The following DNER variants were observed in gnomAD, a reference collection of about 807,000 sequenced individuals.
The protein encoded by DNER is delta and Notch-like epidermal growth factor-related receptor.
Under a neutral mutation model 78.2 loss-of-function variants are expected in DNER, and 33 were observed. The observed-to-expected ratio is 0.42, with a 90% CI of 0.32 to 0.56. The LOEUF is 0.56. DNER is among the 20% of genes least tolerant of loss of function. The pLI, the probability that DNER is intolerant of heterozygous loss-of-function variation, is 0.11. For synonymous variants in DNER, 417 were observed against 384.8 expected, an observed-to-expected ratio of 1.08 and a Z score of -0.98; for missense variants, 918 against 975.3, an observed-to-expected ratio of 0.94 and a Z score of 0.78.
chr2:229,661,106 T>C (rs568425516), intron 1 of DNER, among the ~76,000 whole-genome samples: 1 of 152,310 alleles, frequency 6.6e-6, no homozygotes, highest in African/African-American at 2.4e-5. Context: ...TATCCTTTGT[T>C]TTTACTGATG....
chr2:229,393,111 A>G (rs1303478822), intron 10 of DNER, among the ~76,000 whole-genome samples: 1 of 152,224 alleles, frequency 6.6e-6, no homozygotes, highest in African/African-American at 2.4e-5. Flanking sequence ...GAAAAATACA[A>G]TATCTGAAAT....
chr2:229,408,866 A>AC (rs370976446), intron 9 of DNER, among the ~76,000 whole-genome samples: 2 of 152,294 alleles, frequency 1.3e-5, no homozygotes, highest in African/African-American at 4.8e-5. Context: ...CAAGCCATCA[A>AC]CAATATTCTG....
At chr2:229,491,275 T>C (rs2080803) in intron 6 of DNER, among the ~76,000 whole-genome samples, 1 of 152,110 alleles carries the variant, frequency 6.6e-6, no homozygotes, top group Non-Finnish European at 1.5e-5. Flanking sequence ...ACGAGGTGCA[T>C]GCAGATTCAG....
intron 1 of DNER, among the ~76,000 whole-genome samples, chr2:229,594,195 C>T (rs1051502792): frequency 1.3e-4 from 20 of 152,248 alleles, no homozygotes; most frequent in Admixed American, 3.3e-4. Context: ...CCCAAGATAG[C>T]CGTTTTGAGT....
intron 11 of DNER, among the ~76,000 whole-genome samples, chr2:229,372,322 T>C (rs1187169041): frequency 2.0e-5 from 3 of 152,218 alleles, no homozygotes; most frequent in Non-Finnish European, 2.9e-5. Flanking sequence ...AGGAGATATT[T>C]TACCTCACTG....
In DNER at chr2:229,547,099, G is replaced by A. The variant is rs763045705; in HGVS notation, c.848-7C>T. ...ACAGAATCATTCACAAAACCTAAAA[G>A]AAAATGAGGCAAAAGGAAATTGTCA... On this transcript the variant is annotated splice_polypyrimidine_tract_variant and splice_region_variant and intron_variant, in intron 4 of 12. Coordinates refer to ENST00000341772, the MANE Select transcript of DNER (RefSeq NM_139072.4). The A allele has an allele frequency of 1.2e-6, 2 of 1,613,744 alleles. No homozygotes were observed. The highest frequency in any genetic ancestry group is 2.2e-5 in the South Asian group (2 of 91,028).
chr2:229,386,380 C>T (rs375478481), intron 11 of DNER, among the ~76,000 whole-genome samples: 4 of 152,086 alleles, frequency 2.6e-5, no homozygotes, highest in African/African-American at 4.8e-5. Flanking sequence ...AGAAGAAAAC[C>T]TAGGCAATAC....
At chr2:229,462,862 C>T (rs1237032508) in intron 7 of DNER, among the ~76,000 whole-genome samples, 2 of 152,034 alleles carry the variant, frequency 1.3e-5, no homozygotes, top group Non-Finnish European at 2.9e-5. Context: ...AGCCATTCCT[C>T]ACCTTGATCC....
rs1694359081 is a variant in DNER, at chr2:229,447,248, G to A, written c.1486+68C>T. The A allele has an allele frequency of 7.6e-6, 11 of 1,443,232 alleles. No individual in the cohort carries two copies. The South Asian group carries it at 1.5e-4, about 19-fold the overall frequency. The allele number at this position is 1,443,232 out of a possible 1,614,324, so 89.4% of individuals were successfully genotyped here. The stretch of plus-strand genomic sequence containing the variant: ...AGTATACCAAGATGCAAAAGAAAAA[G>A]TAATGGTCTTTTGAGATTGGTTTGA... On this transcript the variant is annotated intron_variant, in intron 8 of 12. Coordinates refer to ENST00000341772, the MANE Select transcript of DNER (RefSeq NM_139072.4).
intron 1 of DNER, among the ~76,000 whole-genome samples, chr2:229,707,712 T>C (rs980267284): frequency 6.6e-6 from 1 of 152,190 alleles, no homozygotes; most frequent in Non-Finnish European, 1.5e-5. Flanking sequence ...AAGATGCACA[T>C]GGTGATTATT....
intron 4 of DNER, among the ~76,000 whole-genome samples, chr2:229,553,573 G>A (rs1288618018): frequency 6.6e-6 from 1 of 152,172 alleles, no homozygotes; most frequent in East Asian, 1.9e-4. Context: ...CCGAGTAACT[G>A]TGCCGAGTGA....
In DNER at chr2:229,485,736, G is replaced by A. The variant is rs201584972; in HGVS notation, c.1148-8483C>T. Among the ~76,000 whole-genome samples, 7 of 152,014 alleles carry A rather than the reference G, an allele frequency of 4.6e-5. No homozygotes were observed. In the East Asian group the frequency reaches 1.4e-3, roughly 29 times the overall value. On this transcript the variant is annotated intron_variant, in intron 6 of 12. Coordinates refer to ENST00000341772, the MANE Select transcript of DNER (RefSeq NM_139072.4). ...GAAGAAGGGCGATCAATCAGTTGTG[G>A]GCATTTTTAAAAAAACATTCTCCTT...
chr2:229,474,146 T>TCCGC (rs914781700), intron 7 of DNER, among the ~76,000 whole-genome samples: 18 of 152,158 alleles, frequency 1.2e-4, no homozygotes, highest in African/African-American at 4.1e-4. Flanking sequence ...CCTGCAGTGA[T>TCCGC]CCGCCCACCT....
chr2:229,419,168 C>T (rs1479927166), intron 8 of DNER, among the ~76,000 whole-genome samples: 1 of 151,488 alleles, frequency 6.6e-6, no homozygotes, highest in East Asian at 1.9e-4. Context: ...GAAAATAAAC[C>T]CACAATTTCT....
intron 6 of DNER, among the ~76,000 whole-genome samples, chr2:229,509,518 A>T (rs975422798): frequency 3.9e-5 from 6 of 152,232 alleles, no homozygotes; most frequent in African/African-American, 7.2e-5. Context: ...CAATCCTTTT[A>T]AAAAGGGAAG....
At chr2:229,515,314 AT>A (rs1221210146) in intron 5 of DNER, among the ~76,000 whole-genome samples, 2 of 152,212 alleles carry the variant, frequency 1.3e-5, no homozygotes, top group Non-Finnish European at 1.5e-5. Flanking sequence ...CACATCTGAT[AT>A]GTGCATGAGT....
At chr2:229,668,532 GTGTGTATATATATATATA>G (rs1208137593) in intron 1 of DNER, among the ~76,000 whole-genome samples, 1 of 3,416 alleles carries the variant, frequency 2.9e-4, no homozygotes, top group Non-Finnish European at 2.3e-3. Context: ...GTGTGTGTGT[GTGTGTATATATATATATA>G]TATATATATA....
At chr2:229,556,851 T>TAGGACA (rs1414787418) in intron 4 of DNER, among the ~76,000 whole-genome samples, 1 of 152,216 alleles carries the variant, frequency 6.6e-6, no homozygotes, top group African/African-American at 2.4e-5. Flanking sequence ...AGTGGATCAA[T>TAGGACA]AGGACAAGCA....
intron 10 of DNER, among the ~76,000 whole-genome samples, chr2:229,401,897 TG>T (rs1346683697): frequency 1.3e-5 from 2 of 152,122 alleles, no homozygotes; most frequent in Non-Finnish European, 1.5e-5. Context: ...AATGTAGCAA[TG>T]AAATCCAATG....
Sources: allele counts gnomAD v4.1 joint callset (sites outside exome capture counted in the v4.1 genomes callset), GRCh38; gene constraint gnomAD v4.1.1; transcripts MANE v1.5; gene names NCBI Gene and HGNC (gene_info 2026-07-23, HGNC 2026-07-21).